MTERF4: variants seen among roughly 807,000 people sequenced by gnomAD.
The protein encoded by MTERF4 is transcription termination factor 4, mitochondrial.
In MTERF4, 17 loss-of-function variants were observed where a neutral mutation model predicts 22.5. That is an observed-to-expected ratio of 0.75 (90% CI 0.52 to 1.13). The LOEUF (loss-of-function observed/expected upper bound fraction) is 1.13. Ranked by LOEUF, MTERF4 falls within the 50% of genes most tolerant of loss-of-function variation. The pLI is 0.00. For missense variants in MTERF4, 420 were observed against 466.8 expected (o/e 0.90, Z 0.92); for synonymous variants, 165 against 175.3 (o/e 0.94, Z 0.47).
chr2:241,065,101 C>T, the MTERF4 span: 10 of 817,802 alleles, frequency 1.2e-5, no homozygotes, highest in East Asian at 8.1e-5. Flanking sequence ...TAAAATCCCC[C>T]GGTGGGCTTG....
At chr2:241,051,204 G>A in the MTERF4 span, 1 of 152,400 alleles carries the variant, frequency 6.6e-6, no homozygotes, top group Non-Finnish European at 1.5e-5. The surrounding 1 kb of genome is among the most constrained non-coding windows in gnomAD (Gnocchi z 4.7). Flanking sequence ...AGATGTGCTT[G>A]GTTTCGCAGA....
the MTERF4 span, among the ~76,000 whole-genome samples, chr2:241,065,765 C>T: frequency 6.6e-6 from 1 of 152,188 alleles, no homozygotes; most frequent in African/African-American, 2.4e-5. Flanking sequence ...GGAGACAGAG[C>T]TGTGTGGGAG....
chr2:241,102,139 C>G lies in MTERF4; in HGVS notation c.21+114G>C, dbSNP rs1164971829. On this transcript the variant is annotated intron_variant, in intron 1 of 3. Coordinates refer to ENST00000391980, the MANE Select transcript of MTERF4 (RefSeq NM_182501.4). ...CCAAAACCAGGTCAGCGTGCACGGA[C>G]CTCCGGGAGGGCTCCACGACCTGGC... 2.8e-6 allele frequency: 4 copies of G among 1,450,058 alleles called. No homozygotes were observed. In the East Asian group the frequency reaches 1.0e-4, roughly 36 times the overall value. 89.8% of individuals were successfully genotyped at this position (1,450,058 alleles called of 1,614,324 possible). A position where few individuals can be genotyped will look rare whatever the true frequency, so the allele number is the denominator to read the frequency against.
At chr2:241,058,627 A>G in the MTERF4 span, among the ~76,000 whole-genome samples, 5 of 152,350 alleles carry the variant, frequency 3.3e-5, no homozygotes, top group African/African-American at 7.2e-5. Context: ...AGAAAGATCA[A>G]TGAAACCAAA....
Position 241,096,740 on chromosome 2 carries a change from AT to A in MTERF4, c.706-303del, listed in dbSNP as rs2064449804. The A allele has an allele frequency of 1.7e-6, 1 of 598,256 alleles. No individual in the cohort carries two copies. The highest frequency in any genetic ancestry group is 1.7e-5 in the South Asian group (1 of 59,646). 37.1% of individuals were successfully genotyped at this position (598,256 alleles called of 1,614,324 possible). On this transcript the variant is annotated intron_variant, in intron 3 of 3. Transcript: ENST00000391980. The surrounding 1 kb of genome is among the most constrained non-coding windows in gnomAD (Gnocchi z 5.1). ...TTTAAATGGGGAAGGAAAAGGATGA[AT>A]ATGGAAAGAATAGGCAAAACATTCA...
In MTERF4 at chr2:241,073,113, G is replaced by A. The variant is rs899351431; in HGVS notation, n.3049C>T. On this transcript the variant is annotated non_coding_transcript_exon_variant, in exon 5 of 5. Transcript: ENST00000464344. This position sits in a 1 kb window ranked among gnomAD's most constrained non-coding sequence, Gnocchi z 6.6. ...CCAGCCCTTCAGGGGAGGCAGCTCT[G>A]GGGCCGACAGGTGCTGGGGCCACGC... is the stretch of plus-strand genomic sequence containing the variant. 48 of 606,246 alleles carry A rather than the reference G, an allele frequency of 7.9e-5. No individual in the cohort carries two copies. The highest frequency in any genetic ancestry group is 1.5e-5 in the Non-Finnish European group (5 of 343,016). The allele number at this position is 606,246 out of a possible 1,614,324, so 37.6% of individuals were successfully genotyped here. A position where few individuals can be genotyped will look rare whatever the true frequency, so the allele number is the denominator to read the frequency against.
exon 5 of MTERF4, chr2:241,074,528 T>C (rs1397655611): frequency 6.6e-6 from 1 of 152,154 alleles, no homozygotes; most frequent in Non-Finnish European, 1.5e-5. Flanking sequence ...ACTCAGAGAT[T>C]GGAGGGGCGT....
chr2:241,063,343 T>G, the MTERF4 span: 3 of 544,434 alleles, frequency 5.5e-6, no homozygotes, highest in Non-Finnish European at 3.3e-6. Context: ...GAGCCTCCCA[T>G]TGCGGAGTGG....
downstream of MTERF4, chr2:241,082,483 G>A: frequency 1.4e-6 from 1 of 719,270 alleles, no homozygotes. Context: ...AGTCACAGAA[G>A]GGACTTGCTT....
downstream of MTERF4, among the ~76,000 whole-genome samples, chr2:241,084,476 A>G (rs2063486249): frequency 6.6e-6 from 1 of 152,090 alleles, no homozygotes; most frequent in African/African-American, 2.4e-5. Context: ...GATTTACCAT[A>G]CACATCTTCA....
the MTERF4 span, chr2:241,065,178 C>A: frequency 9.6e-7 from 1 of 1,046,018 alleles, no homozygotes; most frequent in Non-Finnish European, 1.4e-6. Flanking sequence ...AAGAAGGACT[C>A]TGCCAGCGAT....
chr2:241,073,749 G>C lies in MTERF4; in HGVS notation n.2413C>G, dbSNP rs2062867432. 1 of 387,562 alleles carries C rather than the reference G, an allele frequency of 2.6e-6. No individual in the cohort carries two copies. Among genetic ancestry groups the C allele is most frequent in the Admixed American group, 4.1e-5 (1 of 24,562 alleles). The allele number at this position is 387,562 out of a possible 1,614,324, so 24.0% of individuals were successfully genotyped here. The stretch of plus-strand genomic sequence containing the variant: ...AGAGGAGCAGGCGGAGTCAGGATGG[G>C]AGAAGCAGAGGGAGCAGCCACTGGG... On this transcript the variant is annotated non_coding_transcript_exon_variant, in exon 5 of 5. Coordinates refer to the MTERF4 transcript ENST00000464344. The surrounding 1 kb of genome is among the most constrained non-coding windows in gnomAD (Gnocchi z 6.6).
chr2:241,090,559 G>T, downstream of MTERF4: 1 of 1,265,936 alleles, frequency 7.9e-7, no homozygotes, highest in Non-Finnish European at 1.0e-6. Context: ...CTATACACAG[G>T]GCAGTGCAGT....
At chr2:241,065,935 G>A in the MTERF4 span, among the ~76,000 whole-genome samples, 2 of 152,016 alleles carry the variant, frequency 1.3e-5, no homozygotes, top group African/African-American at 4.8e-5. Flanking sequence ...GTGGGAGACA[G>A]GGGCCGCGGG....
In MTERF4 at chr2:241,073,690, C is replaced by T; in HGVS notation, n.2472G>A. 1 of 470,474 alleles carries T rather than the reference C, an allele frequency of 2.1e-6. No individual in the cohort carries two copies. Among genetic ancestry groups the T allele is most frequent in the Non-Finnish European group, 3.8e-6 (1 of 265,802 alleles). 29.1% of individuals were successfully genotyped at this position (470,474 alleles called of 1,614,324 possible). ...CATGCAGCAGAGCCCACCCCAGCCC[C>T]TGCCTCTGGGCCCCTCACCCCTCAC... On this transcript the variant is annotated non_coding_transcript_exon_variant, in exon 5 of 5. Coordinates refer to the MTERF4 transcript ENST00000464344. The surrounding 1 kb of genome is among the most constrained non-coding windows in gnomAD (Gnocchi z 6.6).
rs746195362 is a variant in MTERF4, at chr2:241,097,870, C to T, written c.521-443G>A. Among the ~76,000 whole-genome samples the T allele has an allele frequency of 2.0e-5, 3 of 152,182 alleles. 1 individual carries two copies. The highest frequency in any genetic ancestry group is 2.9e-5 in the Non-Finnish European group (2 of 68,032). ...AGCATTCACAACTAACATTCTCAAGCTGAACTCAATGAAAAGGAGTTCCAT... is the reference window on the plus strand; with the variant it reads ...AGCATTCACAACTAACATTCTCAAGTTGAACTCAATGAAAAGGAGTTCCAT... On this transcript the variant is annotated intron_variant, in intron 2 of 3. Transcript: ENST00000391980.
chr2:241,096,025 C>A lies in MTERF4; in HGVS notation c.1119G>T (p.Glu373Asp). The change falls in exon 4 of 4, where the codon GAG (glutamate) becomes GAT (aspartate). Residue 373 changes from glutamate (E) to aspartate (D), a missense_variant. Physicochemically the swap from Glu to Asp is conservative, Grantham distance 45. Coordinates refer to ENST00000391980, the MANE Select transcript of MTERF4 (RefSeq NM_182501.4). This position sits in a 1 kb window ranked among gnomAD's most constrained non-coding sequence, Gnocchi z 5.1. ...EDDDEAEDNDEDEDDDEEE is the reference protein window; with the variant it reads ...EDDDEAEDNDDDEDDDEEE ...ATTCCTCCTCGTCGTCGTCCTCATC[C>A]TCATCATTGTCCTCCGCCTCGTCGT... The A allele has an allele frequency of 1.9e-6, 3 of 1,613,804 alleles. No individual in the cohort carries two copies. Among genetic ancestry groups the A allele is most frequent in the Non-Finnish European group, 2.5e-6 (3 of 1,179,862 alleles).
chr2:241,045,371 T>G, the MTERF4 span, among the ~76,000 whole-genome samples: 1 of 152,198 alleles, frequency 6.6e-6, no homozygotes. Context: ...GAATAAATTT[T>G]GAGGAATCAC....
At chr2:241,090,868 CAAAAAAAAA>C (rs371271027), downstream of MTERF4, among the ~76,000 whole-genome samples, 10 of 100,798 alleles carry the variant, frequency 9.9e-5, no homozygotes, top group African/African-American at 3.8e-4. Context: ...CCCTCTGTCT[CAAAAAAAAA>C]AAAAAAAGAA....
Sources: gnomAD v4.1 joint callset for allele counts (sites outside exome capture counted in the v4.1 genomes callset) on GRCh38, gnomAD v4.1.1 for gene constraint, Gnocchi (gnomAD v3.1) non-coding constraint, MANE v1.5 for transcripts, NCBI Gene and HGNC (gene_info 2026-07-23, HGNC 2026-07-21) for gene names.